TNKS: variants seen among roughly 807,000 people sequenced by gnomAD.
TNKS encodes the protein poly [ADP-ribose] polymerase tankyrase-1.
A neutral mutation model predicts 135.8 loss-of-function variants in TNKS; 72 were observed. The observed-to-expected ratio is 0.53, with a 90% confidence interval of 0.44 to 0.64. TNKS has a LOEUF of 0.64. Ranked by LOEUF, TNKS falls within the 30% of genes least tolerant of loss-of-function variation. TNKS has a pLI of 0.00. For missense variants in TNKS, 1,769 were observed against 1,674.0 expected (o/e 1.06, Z -0.99); for synonymous variants, 849 against 649.3 (o/e 1.31, Z -4.68).
chr8:9,562,152 T>C (rs1005507843), intron 1 of TNKS, among the ~76,000 whole-genome samples: 22 of 152,102 alleles, frequency 1.4e-4, no homozygotes, highest in African/African-American at 5.1e-4. Context: ...CCTTTTTTTT[T>C]CTACTGGGCA....
chr8:9,671,151 A>G (rs561792082), intron 3 of TNKS: 14 of 152,180 alleles, frequency 9.2e-5, no homozygotes, highest in South Asian at 6.2e-4. Context: ...TATAGGTGAC[A>G]TGAGAATTTT....
At chr8:9,695,033 T>C (rs1219605446) in intron 5 of TNKS, among the ~76,000 whole-genome samples, 1 of 152,206 alleles carries the variant, frequency 6.6e-6, no homozygotes, top group Non-Finnish European at 1.5e-5. Flanking sequence ...CAGTCATTTG[T>C]GAGATAACAA....
intron 5 of TNKS, among the ~76,000 whole-genome samples, chr8:9,699,565 T>G (rs750745012): frequency 6.6e-6 from 1 of 152,206 alleles, no homozygotes; most frequent in East Asian, 1.9e-4. Flanking sequence ...TGATGCTATA[T>G]AAGTTGCAGG....
intron 3 of TNKS, among the ~76,000 whole-genome samples, chr8:9,660,971 C>G (rs1585293711): frequency 2.0e-5 from 3 of 147,956 alleles, no homozygotes; most frequent in East Asian, 4.1e-4. Flanking sequence ...CATGAGTGAA[C>G]TCCCATTCAC....
chr8:9,656,877 C>T (rs1801401345), intron 3 of TNKS, among the ~76,000 whole-genome samples: 2 of 133,620 alleles, frequency 1.5e-5, no homozygotes, highest in Non-Finnish European at 3.2e-5. Flanking sequence ...CTTGCACCGC[C>T]CTTAATCCAT....
At chr8:9,707,311 A>G (rs1804094807) in intron 8 of TNKS, among the ~76,000 whole-genome samples, 1 of 152,352 alleles carries the variant, frequency 6.6e-6, no homozygotes, top group African/African-American at 2.4e-5. Context: ...GGCACTAGAA[A>G]TATAGCAGTG....
intron 3 of TNKS, among the ~76,000 whole-genome samples, chr8:9,617,910 A>G (rs1260500477): frequency 2.6e-5 from 4 of 151,534 alleles, no homozygotes; most frequent in East Asian, 1.9e-4. Context: ...ACTTTTGTGC[A>G]TTAGTCTAAA....
chr8:9,740,976 A>C (rs1157406331), intron 17 of TNKS: 1 of 151,220 alleles, frequency 6.6e-6, no homozygotes, highest in Admixed American at 6.6e-5. Context: ...CGCCCAGCTA[A>C]TTTTTTTTGT....
chr8:9,583,682 T>A (rs73535823), intron 2 of TNKS, among the ~76,000 whole-genome samples: 2,829 of 151,892 alleles, frequency 0.019, 85 homozygotes, highest in African/African-American at 0.064. Context: ...AGAGACAGGG[T>A]TTGACCATGT....
At chr8:9,634,867 C>A (rs1013333900) in intron 3 of TNKS, among the ~76,000 whole-genome samples, 2 of 152,184 alleles carry the variant, frequency 1.3e-5, no homozygotes, top group African/African-American at 4.8e-5. Context: ...CCTGGAACAT[C>A]TTCTGTGCTA....
chr8:9,724,142 A>C (rs1448517847), intron 12 of TNKS, among the ~76,000 whole-genome samples: 1 of 152,216 alleles, frequency 6.6e-6, no homozygotes, highest in Non-Finnish European at 1.5e-5. Flanking sequence ...CTTTGATTCT[A>C]GGTGACTATA....
intron 20 of TNKS, among the ~76,000 whole-genome samples, chr8:9,759,981 AG>A (rs1807057690): frequency 1.3e-5 from 2 of 151,882 alleles, no homozygotes; most frequent in East Asian, 1.9e-4. Context: ...CTGTCTCAAA[AG>A]AAAACAAAAC....
chr8:9,583,259 CTG>C (rs903540176), intron 2 of TNKS, among the ~76,000 whole-genome samples: 4 of 150,060 alleles, frequency 2.7e-5, no homozygotes, highest in African/African-American at 7.4e-5. Flanking sequence ...AAAATTCAAA[CTG>C]AGATTATTTT....
chr8:9,704,728 T>A lies in TNKS; in HGVS notation c.1173T>A (p.His391Gln), dbSNP rs1803970145. 1.9e-6 allele frequency: 3 copies of A among 1,613,278 alleles called. No homozygotes were observed. The highest frequency in any genetic ancestry group is 1.7e-5 in the Admixed American group (1 of 59,992). ...GAATAGTTCAGCTTCTTCTTCAGCA[T>A]GGTGCTGATGTTCATGCAAAAGACA... ...RVRIVQLLLQ[H>Q]GADVHAKDKG... is the part of the protein sequence containing the mutation. The change falls in exon 6 of 27, where the codon CAT (histidine) becomes CAA (glutamine). Residue 391 changes from histidine (H) to glutamine (Q), a missense_variant. Physicochemically the swap from His to Gln is conservative, Grantham distance 24 (BLOSUM62 0). This residue lies in a region of TNKS where 523 missense variants were observed against 541.0 expected (regional missense o/e 0.97). Coordinates refer to ENST00000310430, the MANE Select transcript of TNKS (RefSeq NM_003747.3).
At chr8:9,751,511 T>C in intron 18 of TNKS, 98 bp from the exon 19 acceptor site, 2 of 1,121,714 alleles carry the variant, frequency 1.8e-6, no homozygotes, top group Non-Finnish European at 2.6e-6. Context: ...GAGGCATTCA[T>C]TAAGGAAAAA....
intron 25 of TNKS, among the ~76,000 whole-genome samples, chr8:9,766,860 G>A (rs1195338801): frequency 6.6e-6 from 1 of 152,170 alleles, no homozygotes; most frequent in Non-Finnish European, 1.5e-5. Flanking sequence ...CGTTGGTTCT[G>A]GGAATGGGTG....
At chr8:9,562,070 G>T (rs1797355940) in intron 1 of TNKS, among the ~76,000 whole-genome samples, 3 of 152,070 alleles carry the variant, frequency 2.0e-5, no homozygotes. Context: ...ATCCACCTCA[G>T]TCTCCCAAAG....
intron 5 of TNKS, among the ~76,000 whole-genome samples, chr8:9,690,335 G>C (rs765598756): frequency 2.0e-5 from 3 of 152,202 alleles, no homozygotes; most frequent in Non-Finnish European, 4.4e-5. Flanking sequence ...TTGGCATTCA[G>C]AGCTTTATTC....
intron 23 of TNKS, 48 bp downstream of exon 23, chr8:9,764,838 T>C (rs1318607403): frequency 1.4e-6 from 2 of 1,471,670 alleles, no homozygotes; most frequent in South Asian, 2.6e-5. Flanking sequence ...AAGGCTTGCC[T>C]AAAAACCAAA....
Sources: gnomAD v4.1 joint callset for allele counts (sites outside exome capture counted in the v4.1 genomes callset) on GRCh38, gnomAD v4.1.1 for gene constraint, gnomAD v4.1.1 regional missense constraint, MANE v1.5 for transcripts, NCBI Gene and HGNC (gene_info 2026-07-23, HGNC 2026-07-21) for gene names.